SIRT4: variants seen among roughly 807,000 people sequenced by gnomAD.
SIRT4 encodes the protein NAD-dependent protein lipoamidase sirtuin-4, mitochondrial.
In SIRT4, 23 loss-of-function variants were observed where a neutral mutation model predicts 26.1. The observed-to-expected ratio is 0.88, with a 90% CI of 0.63 to 1.25. The LOEUF (loss-of-function observed/expected upper bound fraction) is 1.25. Among genes scored for constraint, SIRT4 ranks in the 50% most tolerant of loss-of-function variants. The probability of loss-of-function intolerance (pLI) is 0.00; values close to 1 mark genes in which losing one functional copy is unlikely to be tolerated. For synonymous variants in SIRT4, 155 were observed against 158.4 expected, an observed-to-expected ratio of 0.98 and a Z score of 0.16; for missense variants, 361 against 405.4, an observed-to-expected ratio of 0.89 and a Z score of 0.94.
rs1480221427 is a variant in SIRT4 at position 120,312,388 on chromosome 12, G to A, written c.498-68G>A. 3.6e-5 allele frequency: 52 copies of A among 1,463,296 alleles called. No individual in the cohort carries two copies. In the East Asian group the frequency reaches 1.2e-3, roughly 33 times the overall value. The allele number at this position is 1,463,296 out of a possible 1,614,324, so 90.6% of individuals were successfully genotyped here. A position where few individuals can be genotyped will look rare whatever the true frequency, so the allele number is the denominator to read the frequency against. ...GGAAGGGCTGAAAATGGTTGGAGATGAAACGTCTCTGACAGCTTTGTGCCT... is the reference window on the plus strand; with the variant it reads ...GGAAGGGCTGAAAATGGTTGGAGATAAAACGTCTCTGACAGCTTTGTGCCT... On this transcript the variant is annotated intron_variant, in intron 2 of 3. Coordinates refer to ENST00000202967, the MANE Select transcript of SIRT4 (RefSeq NM_012240.3).
chr12:120,293,158 T>A, the SIRT4 span: 2 of 151,652 alleles, frequency 1.3e-5, no homozygotes, highest in African/African-American at 4.8e-5. Flanking sequence ...CACGGCGGGG[T>A]ATTGGGAAAA....
the SIRT4 span, chr12:120,293,106 A>G: frequency 1.3e-5 from 2 of 152,164 alleles, no homozygotes; most frequent in African/African-American, 2.4e-5. Context: ...GTCTCCGTAG[A>G]GACTGTCAAA....
At chr12:120,293,740 G>A in the SIRT4 span, among the ~76,000 whole-genome samples, 1 of 152,000 alleles carries the variant, frequency 6.6e-6, no homozygotes, top group South Asian at 2.1e-4. Context: ...TCATGCCCAA[G>A]GGTGGAAACT....
chr12:120,298,407 A>C (rs953882895), upstream of SIRT4, among the ~76,000 whole-genome samples: 1 of 151,610 alleles, frequency 6.6e-6, no homozygotes, highest in African/African-American at 2.4e-5. Context: ...AGCCTGGGCA[A>C]CATGGTGAAA....
upstream of SIRT4, among the ~76,000 whole-genome samples, chr12:120,298,924 T>TAAATAAAC (rs1872437375): frequency 7.6e-6 from 1 of 131,818 alleles, no homozygotes; most frequent in Non-Finnish European, 1.6e-5. Context: ...AATAAATAAA[T>TAAATAAAC]AAATAAATAA....
intron 1 of SIRT4, 46 bp from the exon 2 acceptor site, chr12:120,303,515 A>G: frequency 6.5e-7 from 1 of 1,538,700 alleles, no homozygotes; most frequent in Non-Finnish European, 8.7e-7. Context: ...AATGAGAAAA[A>G]AAAAAAACCA....
intron 1 of SIRT4, among the ~76,000 whole-genome samples, 186 bp from the exon 2 acceptor site, chr12:120,303,375 T>C (rs1008611835): frequency 6.6e-6 from 1 of 151,842 alleles, no homozygotes; most frequent in Non-Finnish European, 1.5e-5. Flanking sequence ...TTCTGGAGGC[T>C]GAGGCAGGAG....
chr12:120,303,750 A>T lies in SIRT4; in HGVS notation c.189A>T (p.Ala63=). 6.2e-7 allele frequency: 1 copy of T among 1,614,144 alleles called. No individual in the cohort carries two copies. Among genetic ancestry groups the T allele is most frequent in the Non-Finnish European group, 8.5e-7 (1 of 1,180,010 alleles). ...AGAGACTCCTTGTGATGACTGGGGC[A>T]GGAATCTCCACCGAATCGGGGATAC... ...LSKRLLVMTG[A]GISTESGIPD... is the part of the protein sequence containing the mutation. Residue 63 remains alanine, a synonymous_variant, in exon 2 of 4, where the codon GCA becomes GCT. Coordinates refer to ENST00000202967, the MANE Select transcript of SIRT4 (RefSeq NM_012240.3).
upstream of SIRT4, among the ~76,000 whole-genome samples, chr12:120,300,961 T>TA (rs200602670): frequency 1.3e-5 from 2 of 151,980 alleles, no homozygotes; most frequent in South Asian, 2.1e-4. Flanking sequence ...ATTAACTTAA[T>TA]AAAAAAAATA....
chr12:120,299,072 AT>A (rs1421921260), upstream of SIRT4, among the ~76,000 whole-genome samples: 50 of 148,446 alleles, frequency 3.4e-4, no homozygotes, highest in African/African-American at 1.3e-3. Flanking sequence ...TAAAAAAAAA[AT>A]ACAAAAAATT....
At chr12:120,293,199 T>A in the SIRT4 span, 6 of 152,206 alleles carry the variant, frequency 3.9e-5, no homozygotes, top group Non-Finnish European at 1.5e-5. Context: ...GCGCCTCGGA[T>A]AGACCTCATT....
At chr12:120,312,205 C>A (rs1318933650) in intron 2 of SIRT4, among the ~76,000 whole-genome samples, 1 of 151,938 alleles carries the variant, frequency 6.6e-6, no homozygotes, top group Non-Finnish European at 1.5e-5. Context: ...GGAGGATAAC[C>A]TGAGCCCAGG....
At position 120,313,220 on chromosome 12, in the gene SIRT4, A is replaced by T. The variant is rs1201531626; in HGVS notation, c.*184A>T. ...TTCTTAATTAAAACTCATTTTTTTT[A>T]AATAAAAAATTGTTCAGCTTTATAT... is the stretch of plus-strand genomic sequence containing the variant. On this transcript the variant is annotated 3_prime_UTR_variant, in exon 4 of 4. Coordinates refer to ENST00000202967, the MANE Select transcript of SIRT4 (RefSeq NM_012240.3). The T allele has an allele frequency of 4.7e-6, 3 of 644,952 alleles. No individual in the cohort carries two copies. The highest frequency in any genetic ancestry group is 2.1e-5 in the South Asian group (1 of 47,380). The allele number at this position is 644,952 out of a possible 1,614,324, so 40.0% of individuals were successfully genotyped here.
chr12:120,304,273 G>A (rs1044730925), intron 2 of SIRT4, among the ~76,000 whole-genome samples: 11 of 152,172 alleles, frequency 7.2e-5, no homozygotes, highest in Non-Finnish European at 1.0e-4. Flanking sequence ...TAATGAGTGG[G>A]TTACTGCCTT....
upstream of SIRT4, among the ~76,000 whole-genome samples, chr12:120,299,570 A>T (rs2136822946): frequency 6.6e-6 from 1 of 152,010 alleles, no homozygotes; most frequent in African/African-American, 2.4e-5. Flanking sequence ...AAAAAAAATT[A>T]AAGTTAGTTT....
intron 2 of SIRT4, among the ~76,000 whole-genome samples, chr12:120,304,662 G>C (rs1480814118): frequency 6.7e-6 from 1 of 150,028 alleles, no homozygotes; most frequent in East Asian, 2.0e-4. Context: ...AAAAAAAAAA[G>C]TTGAGGATGG....
the SIRT4 span, among the ~76,000 whole-genome samples, chr12:120,296,502 GTGTTTTTTTTTT>G: frequency 3.0e-5 from 4 of 135,188 alleles, no homozygotes; most frequent in African/African-American, 5.7e-5. Flanking sequence ...AACTTGTTTT[GTGTTTTTTTTTT>G]TGTTTTTTTT....
At position 120,303,751 on chromosome 12, in the gene SIRT4, G is replaced by A; in HGVS notation, c.190G>A (p.Gly64Arg). 6.2e-7 allele frequency: 1 copy of A among 1,614,142 alleles called. No homozygotes were observed. Among genetic ancestry groups the A allele is most frequent in the Non-Finnish European group, 8.5e-7 (1 of 1,180,028 alleles). Residue 64 changes from glycine to arginine, a missense_variant, in exon 2 of 4, where the codon GGA becomes AGA. By Grantham distance (125) the Gly-to-Arg change is moderately radical. Transcript: ENST00000202967. Reference protein sequence around the residue: ...SKRLLVMTGAGISTESGIPDY... With the variant: ...SKRLLVMTGARISTESGIPDY... The stretch of plus-strand genomic sequence containing the variant: ...GAGACTCCTTGTGATGACTGGGGCA[G>A]GAATCTCCACCGAATCGGGGATACC...
intron 2 of SIRT4, among the ~76,000 whole-genome samples, chr12:120,305,885 G>A (rs1278659693): frequency 1.3e-5 from 2 of 152,144 alleles, no homozygotes; most frequent in African/African-American, 4.8e-5. Flanking sequence ...GGTGGCGGAC[G>A]CCTGTAGTCC....
Sources: allele counts gnomAD v4.1 joint callset (sites outside exome capture counted in the v4.1 genomes callset), GRCh38; gene constraint gnomAD v4.1.1; transcripts MANE v1.5; gene names NCBI Gene and HGNC (gene_info 2026-07-23, HGNC 2026-07-21).